Variants in NFIB observed in about 807,000 individuals in gnomAD.
NFIB encodes the protein nuclear factor I B, also known as nuclear factor 1 B-type.
A neutral mutation model predicts 61.5 loss-of-function variants in NFIB; 11 were observed. That is an observed-to-expected ratio of 0.18 (90% CI 0.11 to 0.30). The LOEUF is 0.30. Among genes scored for constraint, NFIB ranks in the 10% least tolerant of loss-of-function variants. NFIB has a pLI of 1.00. For synonymous variants in NFIB, 260 were observed against 216.5 expected (o/e 1.20, Z -1.76); for missense variants, 471 against 608.9 (o/e 0.77, Z 2.38).
intron 2 of NFIB, among the ~76,000 whole-genome samples, chr9:14,276,098 T>C (rs892842487): frequency 6.6e-6 from 1 of 152,108 alleles, no homozygotes; most frequent in Non-Finnish European, 1.5e-5. Context: ...TTTTGTCTTG[T>C]CAAGCAAAAA....
chr9:14,476,968 A>G, the NFIB span, among the ~76,000 whole-genome samples: 3 of 152,254 alleles, frequency 2.0e-5, no homozygotes, highest in South Asian at 2.1e-4. Context: ...ACTTCTTATT[A>G]TATAAAGAAT....
intron 1 of NFIB, among the ~76,000 whole-genome samples, chr9:14,329,345 A>C (rs2060793456): frequency 6.6e-6 from 1 of 152,086 alleles, no homozygotes; most frequent in African/African-American, 2.4e-5. Flanking sequence ...CAGCCTCACC[A>C]TAACTACTGT....
the NFIB span, among the ~76,000 whole-genome samples, chr9:14,489,413 T>A: frequency 6.6e-6 from 1 of 152,232 alleles, no homozygotes; most frequent in African/African-American, 2.4e-5. Flanking sequence ...TGGCTATTTG[T>A]GTGCCTTTCT....
At chr9:14,132,299 A>G (rs1441163434) in intron 6 of NFIB, among the ~76,000 whole-genome samples, 1 of 152,146 alleles carries the variant, frequency 6.6e-6, no homozygotes, top group Non-Finnish European at 1.5e-5. Flanking sequence ...ATATTCCTAA[A>G]TTGTCTTCCT....
At chr9:14,502,285 C>T in the NFIB span, among the ~76,000 whole-genome samples, 7 of 152,230 alleles carry the variant, frequency 4.6e-5, no homozygotes, top group Non-Finnish European at 1.0e-4. Flanking sequence ...ATAGTTTTTC[C>T]ACCTAATGTC....
intron 10 of NFIB, among the ~76,000 whole-genome samples, chr9:14,111,550 A>G (rs1182634130): frequency 6.6e-6 from 1 of 152,212 alleles, no homozygotes; most frequent in Non-Finnish European, 1.5e-5. Context: ...TAAAAGAACA[A>G]GTTTCTAAAC....
At chr9:14,485,280 G>A in the NFIB span, among the ~76,000 whole-genome samples, 1 of 152,212 alleles carries the variant, frequency 6.6e-6, no homozygotes, top group African/African-American at 2.4e-5. Flanking sequence ...TCCATAGGTA[G>A]TTCTTGGGTT....
At chr9:14,177,481 A>G (rs898077391) in intron 3 of NFIB, among the ~76,000 whole-genome samples, 1 of 152,150 alleles carries the variant, frequency 6.6e-6, no homozygotes, top group African/African-American at 2.4e-5. Flanking sequence ...TAAGTCCAAA[A>G]TAGAATTCCT....
At chr9:14,409,519 C>T in the NFIB span, among the ~76,000 whole-genome samples, 32 of 152,248 alleles carry the variant, frequency 2.1e-4, no homozygotes, top group African/African-American at 7.0e-4. Flanking sequence ...CAGCAACAGA[C>T]GGCTCTTTCT....
At chr9:14,380,225 C>T (rs1034533953) in intron 1 of NFIB, among the ~76,000 whole-genome samples, 4 of 152,180 alleles carry the variant, frequency 2.6e-5, no homozygotes, top group Admixed American at 2.6e-4. Flanking sequence ...GTCTGCAATG[C>T]TTCTGGGTCT....
intron 1 of NFIB, among the ~76,000 whole-genome samples, chr9:14,351,576 A>G (rs1352452761): frequency 6.6e-6 from 1 of 152,138 alleles, no homozygotes; most frequent in Admixed American, 6.5e-5. Flanking sequence ...CTGTTCACAC[A>G]TTGTTTCCTG....
the NFIB span, among the ~76,000 whole-genome samples, chr9:14,496,077 C>T: frequency 1.3e-5 from 2 of 152,234 alleles, no homozygotes; most frequent in Non-Finnish European, 2.9e-5. Context: ...TAGTTCAGGG[C>T]GTGGCAAGTA....
At chr9:14,341,830 C>T (rs191861665) in intron 1 of NFIB, among the ~76,000 whole-genome samples, 22 of 151,934 alleles carry the variant, frequency 1.4e-4, no homozygotes, top group African/African-American at 2.7e-4. Context: ...CAGCAACAGT[C>T]GGGCTAGGAC....
rs1156692072 is a variant in NFIB, at chr9:14,085,086, C to T, written c.*3223G>A. ...TGAGATGATCTGTTTGCTACCAGGG[C>T]GAGTATCACAGAAATGATTGGACTT... On this transcript the variant is annotated 3_prime_UTR_variant, in exon 11 of 11. Coordinates refer to ENST00000380953, the MANE Select transcript of NFIB (RefSeq NM_001190737.2). The T allele has an allele frequency of 2.2e-5, 5 of 228,466 alleles. No homozygotes were observed. The highest frequency in any genetic ancestry group is 3.6e-4 in the South Asian group (2 of 5,500). The allele number at this position is 228,466 out of a possible 1,614,324, so 14.2% of individuals were successfully genotyped here. A position where few individuals can be genotyped will look rare whatever the true frequency, so the allele number is the denominator to read the frequency against.
At chr9:14,458,135 C>T in the NFIB span, among the ~76,000 whole-genome samples, 4 of 152,124 alleles carry the variant, frequency 2.6e-5, no homozygotes, top group Non-Finnish European at 2.9e-5. Context: ...ACTGGCAAAC[C>T]AAATCCAGCA....
the NFIB span, among the ~76,000 whole-genome samples, chr9:14,413,513 G>A: frequency 5.9e-5 from 9 of 152,236 alleles, no homozygotes; most frequent in African/African-American, 1.9e-4. Context: ...TTGCTTTTCT[G>A]AGTCTCAGGG....
At chr9:14,330,508 A>C (rs985731347) in intron 1 of NFIB, among the ~76,000 whole-genome samples, 1 of 152,218 alleles carries the variant, frequency 6.6e-6, no homozygotes, top group South Asian at 2.1e-4. Context: ...AATCCATTCT[A>C]TGAAAATAAC....
intron 1 of NFIB, among the ~76,000 whole-genome samples, chr9:14,332,254 A>G (rs2060830371): frequency 6.7e-6 from 1 of 148,258 alleles, no homozygotes; most frequent in Admixed American, 7.0e-5. Context: ...AATCGCTTGA[A>G]CCTGGGAGGC....
chr9:14,188,808 C>T (rs1484999209), intron 2 of NFIB, among the ~76,000 whole-genome samples: 2 of 152,162 alleles, frequency 1.3e-5, no homozygotes, highest in Non-Finnish European at 1.5e-5. Flanking sequence ...ATGTAATATA[C>T]ATTTTTTCCC....
Sources: allele counts gnomAD v4.1 joint callset (sites outside exome capture counted in the v4.1 genomes callset), GRCh38; gene constraint gnomAD v4.1.1; transcripts MANE v1.5; gene names NCBI Gene and HGNC (gene_info 2026-07-23, HGNC 2026-07-21).